The following DLG2 variants were observed in gnomAD, a reference collection of about 807,000 sequenced individuals.
DLG2 encodes the protein disks large homolog 2.
A neutral mutation model predicts 132.5 loss-of-function variants in DLG2; 45 were observed. That is an observed-to-expected ratio of 0.34 (90% confidence interval 0.27 to 0.44). The LOEUF is 0.44. DLG2 is among the 20% of genes least tolerant of loss of function. The pLI, the probability that DLG2 is intolerant of heterozygous loss-of-function variation, is 1.00. For missense variants in DLG2, 1,045 were observed against 1,196.9 expected, an observed-to-expected ratio of 0.87 and a Z score of 1.87; for synonymous variants, 424 against 419.6, an observed-to-expected ratio of 1.01 and a Z score of -0.13.
chr11:84,270,150 A>C (rs761481264), intron 7 of DLG2, among the ~76,000 whole-genome samples: 32 of 152,268 alleles, frequency 2.1e-4, no homozygotes, highest in Non-Finnish European at 3.1e-4. Flanking sequence ...ATCCAAAAAT[A>C]CTGACTGCCT....
intron 3 of DLG2, among the ~76,000 whole-genome samples, chr11:85,287,072 G>T (rs2078603642): frequency 6.6e-6 from 1 of 152,022 alleles, no homozygotes; most frequent in Admixed American, 6.6e-5. Flanking sequence ...TTACAAAAGG[G>T]TAAGAGGAAA....
Position 84,498,399 on chromosome 11 carries a change from G to A in DLG2, c.519+36171C>T, listed in dbSNP as rs73525719. 1.4e-3 allele frequency among the ~76,000 whole-genome samples: 213 copies of A among 152,092 alleles called. 1 individual carries two copies. The highest frequency in any genetic ancestry group is 4.9e-3 in the African/African-American group (202 of 41,512). On this transcript the variant is annotated intron_variant, in intron 7 of 27. Coordinates refer to ENST00000376104, the MANE Select transcript of DLG2 (RefSeq NM_001142699.3). The stretch of plus-strand genomic sequence containing the variant: ...AGCAGATGAATAAGTCACAATCACC[G>A]TCCTAATGGAACCCATCTTCTAACT...
chr11:85,285,042 A>C (rs2078469462), intron 4 of DLG2, among the ~76,000 whole-genome samples, 178 bp downstream of exon 4: 1 of 151,852 alleles, frequency 6.6e-6, no homozygotes. Flanking sequence ...TTCCCACCCT[A>C]TTTTATGTTT....
At chr11:85,214,382 T>A (rs1304172687) in intron 4 of DLG2, among the ~76,000 whole-genome samples, 1 of 152,164 alleles carries the variant, frequency 6.6e-6, no homozygotes, top group Non-Finnish European at 1.5e-5. Flanking sequence ...GCAAAAATCT[T>A]TGAAAATTTC....
chr11:83,689,980 ATATATT>A (rs1380141668), intron 18 of DLG2, among the ~76,000 whole-genome samples: 4 of 134,654 alleles, frequency 3.0e-5, no homozygotes, highest in African/African-American at 5.6e-5. Context: ...TTATATTATA[ATATATT>A]TATTATAATA....
intron 6 of DLG2, among the ~76,000 whole-genome samples, chr11:85,064,579 GA>G (rs2064608402): frequency 6.6e-6 from 1 of 151,862 alleles, no homozygotes; most frequent in African/African-American, 2.4e-5. Flanking sequence ...CCTAGGGAGT[GA>G]AAATTGATTA....
chr11:84,185,871 C>T (rs990898082), intron 8 of DLG2, among the ~76,000 whole-genome samples: 1 of 152,244 alleles, frequency 6.6e-6, no homozygotes, highest in Middle Eastern at 3.4e-3. Context: ...AAAACAAATT[C>T]AGTCTTTTGT....
chr11:84,012,894 T>G (rs1487800671), intron 11 of DLG2, among the ~76,000 whole-genome samples: 1 of 152,118 alleles, frequency 6.6e-6, no homozygotes, highest in East Asian at 1.9e-4. Flanking sequence ...GTAACCAAGG[T>G]GGAACCATTA....
intron 6 of DLG2, among the ~76,000 whole-genome samples, chr11:84,897,470 G>A (rs572467431): frequency 6.6e-6 from 1 of 151,926 alleles, no homozygotes; most frequent in African/African-American, 2.4e-5. Flanking sequence ...ATTCTCCCAA[G>A]TAATTTCCTA....
At chr11:84,235,962 T>C (rs1049572588) in intron 8 of DLG2, among the ~76,000 whole-genome samples, 2 of 151,942 alleles carry the variant, frequency 1.3e-5, no homozygotes, top group African/African-American at 2.4e-5. Context: ...TATGGTTCAG[T>C]AATAGCTATT....
intron 7 of DLG2, among the ~76,000 whole-genome samples, chr11:84,522,544 G>C (rs1046967155): frequency 2.0e-5 from 3 of 152,208 alleles, no homozygotes; most frequent in Non-Finnish European, 2.9e-5. Context: ...TCTGCCTTCA[G>C]AGTGACTTTG....
intron 8 of DLG2, among the ~76,000 whole-genome samples, chr11:84,205,240 G>A (rs1242980864): frequency 6.6e-6 from 1 of 151,980 alleles, no homozygotes; most frequent in African/African-American, 2.4e-5. Context: ...CAGAATAGAA[G>A]GAGCAAAAAC....
intron 4 of DLG2, among the ~76,000 whole-genome samples, chr11:85,255,344 T>C (rs1271457629): frequency 6.6e-6 from 1 of 152,216 alleles, no homozygotes; most frequent in Non-Finnish European, 1.5e-5. Flanking sequence ...GGATATTACA[T>C]ACACAAACAT....
At chr11:84,369,700 G>A (rs543863940) in intron 7 of DLG2, among the ~76,000 whole-genome samples, 19 of 152,176 alleles carry the variant, frequency 1.2e-4, no homozygotes, top group African/African-American at 3.9e-4. Flanking sequence ...CTGAAATTTT[G>A]TAATGTGACA....
chr11:84,897,496 T>C (rs138984171), intron 6 of DLG2, among the ~76,000 whole-genome samples: 72 of 151,986 alleles, frequency 4.7e-4, no homozygotes, highest in African/African-American at 1.7e-3. Context: ...TAAAATAATA[T>C]TTATACTCTT....
chr11:84,438,205 C>T (rs572723787), intron 7 of DLG2, among the ~76,000 whole-genome samples: 1 of 152,288 alleles, frequency 6.6e-6, no homozygotes, highest in African/African-American at 2.4e-5. Flanking sequence ...CACTTCTCTG[C>T]CCACCAGCCA....
intron 6 of DLG2, among the ~76,000 whole-genome samples, chr11:84,876,195 A>T (rs1251754399): frequency 5.3e-5 from 8 of 152,236 alleles, no homozygotes; most frequent in Non-Finnish European, 2.9e-5. Context: ...TGATATAGCA[A>T]GCTGTGAGCT....
chr11:84,699,382 T>G (rs938712360), intron 6 of DLG2, among the ~76,000 whole-genome samples: 5 of 151,564 alleles, frequency 3.3e-5, no homozygotes. Flanking sequence ...TTGGCTTTAA[T>G]TTAACTAATA....
intron 3 of DLG2, among the ~76,000 whole-genome samples, chr11:85,349,400 C>A (rs1288988438): frequency 6.6e-6 from 1 of 151,698 alleles, no homozygotes; most frequent in Non-Finnish European, 1.5e-5. Flanking sequence ...TGCAACCACA[C>A]CTGGATGGAC....
Sources: gnomAD v4.1 joint callset for allele counts (sites outside exome capture counted in the v4.1 genomes callset) on GRCh38, gnomAD v4.1.1 for gene constraint, MANE v1.5 for transcripts, NCBI Gene and HGNC (gene_info 2026-07-23, HGNC 2026-07-21) for gene names.